Variants in PPM1H observed in about 807,000 individuals in gnomAD.
PPM1H encodes the protein protein phosphatase 1H.
PPM1H carries 27 observed loss-of-function variants against 54.9 expected under a neutral mutation model. That is an observed-to-expected ratio of 0.49 (90% CI 0.36 to 0.68). PPM1H has a LOEUF of 0.68. Among genes scored for constraint, PPM1H ranks in the 30% least tolerant of loss-of-function variants. The pLI, the probability that PPM1H is intolerant of heterozygous loss-of-function variation, is 0.00. For missense variants in PPM1H, 596 were observed against 667.8 expected (o/e 0.89, Z 1.19); for synonymous variants, 305 against 270.8 (o/e 1.13, Z -1.24).
intron 6 of PPM1H, among the ~76,000 whole-genome samples, chr12:62,718,386 C>G (rs1448802357): frequency 2.6e-5 from 4 of 152,178 alleles, no homozygotes; most frequent in Non-Finnish European, 4.4e-5. Context: ...GTACCTGAAT[C>G]TGCTTTCTCT....
At chr12:62,894,313 C>T (rs1329166524) in intron 1 of PPM1H, among the ~76,000 whole-genome samples, 1 of 152,082 alleles carries the variant, frequency 6.6e-6, no homozygotes, top group Non-Finnish European at 1.5e-5. Context: ...GGGGTGACAG[C>T]AAAGGAAGAG....
At chr12:62,790,615 A>T (rs1177868139) in intron 3 of PPM1H, among the ~76,000 whole-genome samples, 3 of 150,936 alleles carry the variant, frequency 2.0e-5, no homozygotes, top group African/African-American at 7.3e-5. Context: ...AAATAGAGAA[A>T]AAACACAAAG....
At position 62,674,981 on chromosome 12, in the gene PPM1H, C is replaced by T. The variant is rs770746184; in HGVS notation, c.1246-7652G>A. 2.6e-5 allele frequency among the ~76,000 whole-genome samples: 4 copies of T among 152,216 alleles called. No individual in the cohort carries two copies. The South Asian group carries it at 8.3e-4, about 32-fold the overall frequency. ...CTCATGGCTCCAACATCCTCTGACT[C>T]TCCTCACAGCATCAGGCCTTGATGT... On this transcript the variant is annotated intron_variant, in intron 8 of 9. Transcript: ENST00000228705.
At chr12:62,706,181 T>C (rs960779542) in intron 6 of PPM1H, among the ~76,000 whole-genome samples, 4 of 152,232 alleles carry the variant, frequency 2.6e-5, no homozygotes, top group African/African-American at 4.8e-5. Context: ...CTGTTTTATC[T>C]TTAAAAACCA....
chr12:62,838,100 A>G (rs149145632), intron 1 of PPM1H, among the ~76,000 whole-genome samples: 12 of 152,314 alleles, frequency 7.9e-5, no homozygotes, highest in Middle Eastern at 6.8e-3. Context: ...AGGTCTCAGG[A>G]CTACAGAAAA....
intron 7 of PPM1H, among the ~76,000 whole-genome samples, 185 bp downstream of exon 7, chr12:62,693,751 C>T (rs1022031288): frequency 3.3e-5 from 5 of 152,198 alleles, no homozygotes; most frequent in Non-Finnish European, 7.3e-5. Context: ...CACCTCCCAC[C>T]CCCACTACTC....
chr12:62,654,327 G>A (rs548119624), intron 9 of PPM1H, among the ~76,000 whole-genome samples: 1 of 150,768 alleles, frequency 6.6e-6, no homozygotes, highest in Admixed American at 6.6e-5. Flanking sequence ...CAAAATGGCC[G>A]AGTTTAACTA....
At chr12:62,720,729 T>G (rs1363943843) in intron 5 of PPM1H, 8 of 169,506 alleles carry the variant, frequency 4.7e-5, no homozygotes, top group African/African-American at 1.9e-4. Context: ...ACACAATGGC[T>G]TGAGTGCTGG....
Position 62,934,886 on chromosome 12 carries a change from G to T in PPM1H, c.-150C>A. ...CCGCGCGCGGCTCCCAGAGCCTAGT[G>T]CTGCAGGGGGCCGAGCCCCGGCCTC... On this transcript the variant is annotated 5_prime_UTR_variant, in exon 1 of 10. Transcript: ENST00000228705. The surrounding 1 kb of genome is among the most constrained non-coding windows in gnomAD (Gnocchi z 4.2). 1 of 667,534 alleles carries T rather than the reference G, an allele frequency of 1.5e-6. No individual in the cohort carries two copies. Among genetic ancestry groups the T allele is most frequent in the Non-Finnish European group, 2.1e-6 (1 of 485,482 alleles). The allele number at this position is 667,534 out of a possible 1,614,324, so 41.4% of individuals were successfully genotyped here. A position where few individuals can be genotyped will look rare whatever the true frequency, so the allele number is the denominator to read the frequency against.
At chr12:62,698,144 G>A (rs1409364857) in intron 6 of PPM1H, among the ~76,000 whole-genome samples, 1 of 151,912 alleles carries the variant, frequency 6.6e-6, no homozygotes, top group African/African-American at 2.4e-5. Flanking sequence ...GGAAGGAGCA[G>A]TTCAGCAATA....
rs60906733 is a variant in PPM1H, at chr12:62,759,212, G to A, written c.870-21626C>T. Among the ~76,000 whole-genome samples, 1,004 of 152,282 alleles carry A rather than the reference G, an allele frequency of 6.6e-3. 8 individuals carry two copies. The highest frequency in any genetic ancestry group is 0.023 in the African/African-American group (965 of 41,548). On this transcript the variant is annotated intron_variant, in intron 4 of 9. Coordinates refer to ENST00000228705, the MANE Select transcript of PPM1H (RefSeq NM_020700.2). ...ACGAACACGTGAGACATTTGGTGCC[G>A]AAGACTCGGGTAAGTGGGACTCCTT...
chr12:62,735,379 T>C (rs563391131), intron 5 of PPM1H, among the ~76,000 whole-genome samples: 1 of 151,124 alleles, frequency 6.6e-6, no homozygotes, highest in Non-Finnish European at 1.5e-5. Flanking sequence ...GCCTGGCTAA[T>C]TTTTTTTTGG....
chr12:62,775,131 G>A (rs1406793561), intron 4 of PPM1H, among the ~76,000 whole-genome samples: 1 of 152,208 alleles, frequency 6.6e-6, no homozygotes, highest in Non-Finnish European at 1.5e-5. Flanking sequence ...TAGAGGGACG[G>A]GAGGATGGAT....
intron 2 of PPM1H, among the ~76,000 whole-genome samples, chr12:62,821,781 C>A (rs886340658): frequency 6.6e-6 from 1 of 152,208 alleles, no homozygotes; most frequent in Non-Finnish European, 1.5e-5. Flanking sequence ...TGGAAAGGAA[C>A]AACTGGTACC....
At chr12:62,730,692 C>T (rs973249614) in intron 5 of PPM1H, among the ~76,000 whole-genome samples, 1 of 151,474 alleles carries the variant, frequency 6.6e-6, no homozygotes, top group Non-Finnish European at 1.5e-5. Context: ...TTTTTCTTGC[C>T]CTTAGAAGGG....
At chr12:62,798,344 C>A (rs1213352545) in intron 3 of PPM1H, among the ~76,000 whole-genome samples, 4 of 152,172 alleles carry the variant, frequency 2.6e-5, no homozygotes, top group African/African-American at 9.7e-5. Context: ...CACAGAGTAG[C>A]TACCTGTGGA....
intron 9 of PPM1H, among the ~76,000 whole-genome samples, chr12:62,663,977 A>G (rs2075901928): frequency 7.1e-6 from 1 of 140,734 alleles, no homozygotes; most frequent in Non-Finnish European, 1.5e-5. Context: ...GGGCAACAAG[A>G]GCGAAACTCC....
Position 62,870,628 on chromosome 12 carries a change from G to A in PPM1H, c.246-38349C>T, listed in dbSNP as rs141671450. ...AGATTCTCTGGTTTCTGGCTTTGTCGACAGGACAGAATGGTTCTCTTAATG... is the reference window on the plus strand; with the variant it reads ...AGATTCTCTGGTTTCTGGCTTTGTCAACAGGACAGAATGGTTCTCTTAATG... On this transcript the variant is annotated intron_variant, in intron 1 of 9. Transcript: ENST00000228705. Among the ~76,000 whole-genome samples the A allele has an allele frequency of 1.7e-3, 253 of 152,298 alleles. 5 individuals are homozygous for A. The highest frequency in any genetic ancestry group is 5.8e-3 in the African/African-American group (240 of 41,560).
At chr12:62,799,907 G>A (rs1461886092) in intron 3 of PPM1H, among the ~76,000 whole-genome samples, 1 of 152,106 alleles carries the variant, frequency 6.6e-6, no homozygotes, top group African/African-American at 2.4e-5. Flanking sequence ...CATTGACACT[G>A]AACCCACATG....
Sources: gnomAD v4.1 joint callset for allele counts (sites outside exome capture counted in the v4.1 genomes callset) on GRCh38, gnomAD v4.1.1 for gene constraint, Gnocchi (gnomAD v3.1) non-coding constraint, MANE v1.5 for transcripts, NCBI Gene and HGNC (gene_info 2026-07-23, HGNC 2026-07-21) for gene names.